The following USH2A variants were observed in gnomAD, a reference collection of about 807,000 sequenced individuals.
USH2A encodes usherin.
USH2A carries 443 observed loss-of-function variants against 538.9 expected under a neutral mutation model. The observed-to-expected ratio is 0.82, with a 90% confidence interval of 0.76 to 0.89. The LOEUF (loss-of-function observed/expected upper bound fraction) is 0.89. Ranked by LOEUF, USH2A falls within the 40% of genes least tolerant of loss-of-function variation. The pLI is 0.00. For synonymous variants in USH2A, 2,413 were observed against 2,273.5 expected (o/e 1.06, Z -1.75); for missense variants, 6,633 against 6,324.8 (o/e 1.05, Z -1.65).
intron 32 of USH2A, among the ~76,000 whole-genome samples, chr1:216,005,881 A>AT (rs748032994): frequency 1.7e-3 from 259 of 152,226 alleles, no homozygotes; most frequent in Admixed American, 3.5e-3. Context: ...TGTTACATAT[A>AT]TTTTTCAAAT....
chr1:215,748,103 G>A (rs1323022358), intron 58 of USH2A, among the ~76,000 whole-genome samples: 1 of 151,998 alleles, frequency 6.6e-6, no homozygotes, highest in East Asian at 1.9e-4. Flanking sequence ...TTGTTAGCCA[G>A]GATGGTCTGG....
rs115947171 is a variant in USH2A at position 215,686,105 on chromosome 1, T to C, written c.12067-5729A>G. On this transcript the variant is annotated intron_variant, in intron 61 of 71. Transcript: ENST00000307340. ...AGCAGTTTCTCAGCAGCTGGTTTAC[T>C]TCTTTAAACATTTTTGAGCATCTTT... Among the ~76,000 whole-genome samples the C allele has an allele frequency of 5.5e-3, 840 of 152,298 alleles. 9 individuals carry two copies. The highest frequency in any genetic ancestry group is 0.019 in the African/African-American group (780 of 41,580).
chr1:216,107,643 ACCATCT>A (rs1463637144), intron 21 of USH2A, among the ~76,000 whole-genome samples: 40 of 148,588 alleles, frequency 2.7e-4, no homozygotes, highest in African/African-American at 9.8e-4. Flanking sequence ...ACTTAATTTT[ACCATCT>A]TGCTATTTGA....
chr1:215,846,635 G>T (rs1416015535), intron 44 of USH2A, among the ~76,000 whole-genome samples: 27 of 151,764 alleles, frequency 1.8e-4, no homozygotes, highest in Admixed American at 1.7e-3. Context: ...TTTTAATTTT[G>T]CTACTTATAA....
At chr1:215,850,044 A>G (rs1349607391) in intron 44 of USH2A, among the ~76,000 whole-genome samples, 3 of 152,156 alleles carry the variant, frequency 2.0e-5, no homozygotes, top group Non-Finnish European at 4.4e-5. Flanking sequence ...CAGAAAGATT[A>G]ATCAAGATCC....
At chr1:215,838,434 A>G (rs1255712441) in intron 46 of USH2A, among the ~76,000 whole-genome samples, 1 of 152,202 alleles carries the variant, frequency 6.6e-6, no homozygotes, top group Non-Finnish European at 1.5e-5. Context: ...GTTTGCAAGC[A>G]TAACAGGTTA....
At chr1:215,979,750 T>C (rs1362160454) in intron 35 of USH2A, among the ~76,000 whole-genome samples, 1 of 152,084 alleles carries the variant, frequency 6.6e-6, no homozygotes, top group African/African-American at 2.4e-5. Flanking sequence ...ATGTGTTAGA[T>C]TGCAATATGG....
At chr1:215,698,291 CATGT>C (rs1658884173) in intron 61 of USH2A, among the ~76,000 whole-genome samples, 1 of 152,014 alleles carries the variant, frequency 6.6e-6, no homozygotes, top group African/African-American at 2.4e-5. Context: ...TAAATATGTG[CATGT>C]GTCTTTATAC....
intron 44 of USH2A, among the ~76,000 whole-genome samples, chr1:215,849,415 C>T (rs78727248): frequency 0.019 from 2,912 of 152,104 alleles, 101 homozygotes; most frequent in African/African-American, 0.067. Context: ...AGAATTAAAA[C>T]GTACGTTGAA....
intron 21 of USH2A, among the ~76,000 whole-genome samples, chr1:216,163,500 A>G (rs2034105075): frequency 6.6e-6 from 1 of 151,738 alleles, no homozygotes; most frequent in African/African-American, 2.4e-5. Context: ...TCTTTTGGTT[A>G]TTTGGCCCTA....
intron 34 of USH2A, among the ~76,000 whole-genome samples, chr1:215,996,324 A>G (rs1668135147): frequency 1.3e-5 from 2 of 152,164 alleles, no homozygotes; most frequent in Non-Finnish European, 2.9e-5. Flanking sequence ...TTGATCCATA[A>G]TTACTTAAAA....
intron 9 of USH2A, among the ~76,000 whole-genome samples, chr1:216,314,948 C>G (rs758389728): frequency 4.6e-5 from 7 of 152,098 alleles, no homozygotes; most frequent in Non-Finnish European, 5.9e-5. Flanking sequence ...AGACACTGAT[C>G]ATTGCATCAC....
chr1:215,715,007 G>A (rs1026895246), intron 61 of USH2A, among the ~76,000 whole-genome samples: 47 of 152,232 alleles, frequency 3.1e-4, no homozygotes, highest in Middle Eastern at 3.4e-3. Flanking sequence ...TTAAAGTTCC[G>A]GGATACACGT....
At chr1:216,248,817 C>T (rs1326251988) in intron 12 of USH2A, among the ~76,000 whole-genome samples, 3 of 152,048 alleles carry the variant, frequency 2.0e-5, no homozygotes, top group Non-Finnish European at 4.4e-5. Flanking sequence ...GACAGGTAAT[C>T]TATTCCTAAC....
intron 47 of USH2A, among the ~76,000 whole-genome samples, chr1:215,826,293 A>T (rs1334655817): frequency 6.6e-6 from 1 of 152,206 alleles, no homozygotes; most frequent in Non-Finnish European, 1.5e-5. Context: ...GTGATCAGCT[A>T]TAAAGGGCAA....
chr1:216,369,815 C>G (rs144014205), intron 3 of USH2A, among the ~76,000 whole-genome samples: 5 of 149,594 alleles, frequency 3.3e-5, no homozygotes, highest in Non-Finnish European at 7.4e-5. Context: ...CCCAGCTACT[C>G]GGGAGGCTGA....
At chr1:216,226,410 C>T (rs1318929503) in intron 14 of USH2A, among the ~76,000 whole-genome samples, 1 of 152,166 alleles carries the variant, frequency 6.6e-6, no homozygotes, top group Non-Finnish European at 1.5e-5. Context: ...TACTTCTCTT[C>T]CTTTCATCAA....
At chr1:216,421,205 T>C (rs751572171) in intron 2 of USH2A, among the ~76,000 whole-genome samples, 2 of 152,152 alleles carry the variant, frequency 1.3e-5, no homozygotes, top group Non-Finnish European at 2.9e-5. Flanking sequence ...TTCTCTGGGA[T>C]GAACAGCATG....
chr1:215,645,553 T>G (rs894976310), intron 67 of USH2A, among the ~76,000 whole-genome samples: 1 of 152,226 alleles, frequency 6.6e-6, no homozygotes, highest in African/African-American at 2.4e-5. Context: ...GAATTATTTG[T>G]AAAATGCTAA....
Sources: allele counts gnomAD v4.1 joint callset (sites outside exome capture counted in the v4.1 genomes callset), GRCh38; gene constraint gnomAD v4.1.1; transcripts MANE v1.5; gene names NCBI Gene and HGNC (gene_info 2026-07-23, HGNC 2026-07-21).